RBM47: variants seen among roughly 807,000 people sequenced by gnomAD.
The protein encoded by RBM47 is RNA-binding protein 47.
A neutral mutation model predicts 47.1 loss-of-function variants in RBM47; 21 were observed. The ratio of observed to expected loss-of-function variants is 0.45; its 90% CI spans 0.32 to 0.64. The LOEUF is 0.64. RBM47 is among the 30% of genes least tolerant of loss of function. The pLI is 0.05. For missense variants in RBM47, 708 were observed against 870.9 expected (o/e 0.81, Z 2.35); for synonymous variants, 375 against 361.7 (o/e 1.04, Z -0.42).
Position 40,622,125 on chromosome 4 carries a change from G to A in RBM47, c.-240+7271C>T, listed in dbSNP as rs117875677. On this transcript the variant is annotated intron_variant, in intron 1 of 6. Transcript: ENST00000295971. ...ACTCTGTGGCAGACGCTCCTCTAATGTGCTTGGGATACACCAATGAATGAA... is the reference window on the plus strand; with the variant it reads ...ACTCTGTGGCAGACGCTCCTCTAATATGCTTGGGATACACCAATGAATGAA... Among the ~76,000 whole-genome samples the A allele has an allele frequency of 7.5e-4, 115 of 152,362 alleles. No homozygotes were observed. In the East Asian group the frequency reaches 0.02, roughly 26 times the overall value.
chr4:40,616,543 T>C (rs1000401056), intron 1 of RBM47, among the ~76,000 whole-genome samples: 16 of 152,056 alleles, frequency 1.1e-4, no homozygotes, highest in African/African-American at 3.6e-4. Context: ...CCAAAAGCCC[T>C]GTGTGTTGCT....
At chr4:40,543,956 G>A (rs1278292788) in intron 2 of RBM47, 1 of 151,658 alleles carries the variant, frequency 6.6e-6, no homozygotes, top group Non-Finnish European at 1.5e-5. Flanking sequence ...AAAATAGAAG[G>A]TAGGGAATAC....
intron 2 of RBM47, among the ~76,000 whole-genome samples, chr4:40,528,741 G>T (rs568345025): frequency 2.0e-5 from 3 of 152,036 alleles, no homozygotes; most frequent in Non-Finnish European, 2.9e-5. Flanking sequence ...CTCCAGCCTG[G>T]GTGACAGAGT....
At chr4:40,509,827 G>A (rs1419892557) in intron 2 of RBM47, among the ~76,000 whole-genome samples, 1 of 151,580 alleles carries the variant, frequency 6.6e-6, no homozygotes, top group Non-Finnish European at 1.5e-5. Flanking sequence ...AGCTTGCAGT[G>A]AGCGGAGATT....
At chr4:40,448,724 C>T (rs1283220969) in intron 3 of RBM47, among the ~76,000 whole-genome samples, 1 of 152,162 alleles carries the variant, frequency 6.6e-6, no homozygotes, top group Non-Finnish European at 1.5e-5. Context: ...GACTAAGTGA[C>T]ATTTGGCAAT....
At chr4:40,488,182 T>C (rs1168822886) in intron 2 of RBM47, among the ~76,000 whole-genome samples, 1 of 151,912 alleles carries the variant, frequency 6.6e-6, no homozygotes, top group Non-Finnish European at 1.5e-5. Context: ...AGTGTAGTGG[T>C]GCGCACCTGT....
At chr4:40,623,233 A>G (rs1323617524) in intron 1 of RBM47, among the ~76,000 whole-genome samples, 1 of 152,174 alleles carries the variant, frequency 6.6e-6, no homozygotes, top group East Asian at 1.9e-4. Flanking sequence ...TGGAGCCCAC[A>G]ATGTGGAGCA....
At chr4:40,519,659 CTTTTTTTTTTTT>C (rs35250968) in intron 2 of RBM47, among the ~76,000 whole-genome samples, 2,569 of 96,320 alleles carry the variant, frequency 0.027, 93 homozygotes, top group African/African-American at 0.082. Context: ...CCCTACCCTC[CTTTTTTTTTTTT>C]TTTTTTTTTT....
intron 1 of RBM47, among the ~76,000 whole-genome samples, chr4:40,621,681 T>C (rs994517621): frequency 2.6e-5 from 4 of 152,222 alleles, no homozygotes; most frequent in East Asian, 1.9e-4. Context: ...ATAAACAATA[T>C]AGTAACATAA....
At chr4:40,545,456 G>A (rs1385495277) in intron 1 of RBM47, among the ~76,000 whole-genome samples, 8 of 148,802 alleles carry the variant, frequency 5.4e-5, no homozygotes, top group Admixed American at 5.3e-4. Context: ...CTGAGGTCAG[G>A]AGTTCAAGAC....
At chr4:40,578,949 C>G (rs13116300) in intron 1 of RBM47, among the ~76,000 whole-genome samples, 5,760 of 152,082 alleles carry the variant, frequency 0.038, 149 homozygotes, top group Non-Finnish European at 0.053. Flanking sequence ...GAAACCCCAT[C>G]TCCACTAAAA....
At chr4:40,563,940 G>A (rs1252519767) in intron 1 of RBM47, among the ~76,000 whole-genome samples, 1 of 152,218 alleles carries the variant, frequency 6.6e-6, no homozygotes, top group Non-Finnish European at 1.5e-5. Flanking sequence ...GCCCAGGTGT[G>A]CTGGCTCACA....
chr4:40,476,240 C>A (rs900167620), intron 2 of RBM47, among the ~76,000 whole-genome samples: 1 of 151,948 alleles, frequency 6.6e-6, no homozygotes, highest in African/African-American at 2.4e-5. Context: ...ATAGAAAGTA[C>A]TCAAAAAGTG....
intron 1 of RBM47, among the ~76,000 whole-genome samples, chr4:40,590,289 A>G (rs891119913): frequency 1.3e-5 from 2 of 152,134 alleles, no homozygotes; most frequent in African/African-American, 4.8e-5. Flanking sequence ...CAGCGACTCC[A>G]GAGGATGACA....
At chr4:40,624,831 T>C (rs1200028222) in intron 1 of RBM47, among the ~76,000 whole-genome samples, 1 of 151,904 alleles carries the variant, frequency 6.6e-6, no homozygotes, top group Non-Finnish European at 1.5e-5. Flanking sequence ...AAAAGAAATA[T>C]TATTTAAGCC....
rs568742837 is a variant in RBM47 at position 40,483,313 on chromosome 4, C to T, written c.-154-16614G>A. On this transcript the variant is annotated intron_variant, in intron 2 of 6. Coordinates refer to ENST00000295971, the MANE Select transcript of RBM47 (RefSeq NM_001098634.2). Reference sequence around the variant, plus strand: ...AACAATGGCTATTGATCCTACTATGCGTGGCTTTGTTCTAGACCCCGAAGA... The same window carrying T: ...AACAATGGCTATTGATCCTACTATGTGTGGCTTTGTTCTAGACCCCGAAGA... Among the ~76,000 whole-genome samples, 28 of 152,306 alleles carry T rather than the reference C, an allele frequency of 1.8e-4. 1 individual carries two copies. Among genetic ancestry groups the T allele is most frequent in the African/African-American group, 6.3e-4 (26 of 41,554 alleles).
At chr4:40,623,903 G>A (rs1045399703) in intron 1 of RBM47, among the ~76,000 whole-genome samples, 1 of 151,952 alleles carries the variant, frequency 6.6e-6, no homozygotes, top group African/African-American at 2.4e-5. Flanking sequence ...CAAGGCTGGA[G>A]TGCAGTGACG....
intron 1 of RBM47, among the ~76,000 whole-genome samples, chr4:40,553,700 C>A (rs1200508189): frequency 5.3e-5 from 8 of 152,142 alleles, no homozygotes; most frequent in African/African-American, 1.9e-4. Flanking sequence ...ACTCCCAGCT[C>A]CTAACGCAGG....
intron 2 of RBM47, among the ~76,000 whole-genome samples, chr4:40,490,644 G>A (rs1013405584): frequency 4.6e-5 from 7 of 151,898 alleles, no homozygotes; most frequent in African/African-American, 7.3e-5. Context: ...GCGTGGTGGC[G>A]CCTGGCCGAG....
Sources: gnomAD v4.1 joint callset for allele counts (sites outside exome capture counted in the v4.1 genomes callset) on GRCh38, gnomAD v4.1.1 for gene constraint, MANE v1.5 for transcripts, NCBI Gene and HGNC (gene_info 2026-07-23, HGNC 2026-07-21) for gene names.